The following VPS35L variants were observed in gnomAD, a reference collection of about 807,000 sequenced individuals.
VPS35L encodes VPS35 endosomal protein-sorting factor-like.
VPS35L carries 83 observed loss-of-function variants against 133.0 expected under a neutral mutation model. The ratio of observed to expected loss-of-function variants is 0.62; its 90% CI spans 0.52 to 0.75. VPS35L has a LOEUF of 0.75. Ranked by LOEUF, VPS35L falls within the 30% of genes least tolerant of loss-of-function variation. The pLI, the probability that VPS35L is intolerant of heterozygous loss-of-function variation, is 0.00. For missense variants in VPS35L, 1,083 were observed against 1,206.8 expected (o/e 0.90, Z 1.52); for synonymous variants, 423 against 449.9 (o/e 0.94, Z 0.76).
chr16:19,695,355 T>G (rs930350704), intron 29 of VPS35L, among the ~76,000 whole-genome samples: 1 of 152,224 alleles, frequency 6.6e-6, no homozygotes, highest in Non-Finnish European at 1.5e-5. Flanking sequence ...AATTTGGAGC[T>G]ATTTATATTT....
At chr16:19,678,405 C>T (rs1975136410) in intron 27 of VPS35L, among the ~76,000 whole-genome samples, 1 of 151,694 alleles carries the variant, frequency 6.6e-6, no homozygotes, top group Non-Finnish European at 1.5e-5. Context: ...GAATCCAGAA[C>T]CGTTTTCTTT....
chr16:19,578,211 A>G, intron 5 of VPS35L: 7 of 446,328 alleles, frequency 1.6e-5, no homozygotes, highest in South Asian at 9.6e-5. Flanking sequence ...TGTGACTCTT[A>G]AAACCTAAAA....
At chr16:19,557,046 C>T (rs1386612628) in intron 1 of VPS35L, among the ~76,000 whole-genome samples, 1 of 152,038 alleles carries the variant, frequency 6.6e-6, no homozygotes, top group South Asian at 2.1e-4. Context: ...GCAGGAGAGT[C>T]GCTTGAACCT....
chr16:19,570,662 G>A (rs759285224), intron 3 of VPS35L, among the ~76,000 whole-genome samples: 5 of 151,158 alleles, frequency 3.3e-5, no homozygotes, highest in South Asian at 2.1e-4. Context: ...GCATTTTTCC[G>A]GAGTGCGTTT....
At chr16:19,651,259 A>G (rs1974113705) in intron 25 of VPS35L, among the ~76,000 whole-genome samples, 1 of 151,590 alleles carries the variant, frequency 6.6e-6, no homozygotes, top group Non-Finnish European at 1.5e-5. Flanking sequence ...CTCAAAATTT[A>G]TTTAGCTATT....
chr16:19,610,498 C>G, intron 12 of VPS35L, 83 bp downstream of exon 12: 1 of 1,010,946 alleles, frequency 9.9e-7, no homozygotes, highest in Non-Finnish European at 1.5e-6. Context: ...CCTTCCCCAC[C>G]ACCCCGCAAG....
chr16:19,627,808 A>G lies in VPS35L; in HGVS notation c.1383+3A>G, dbSNP rs1262716460. On this transcript the variant is annotated splice_donor_region_variant and intron_variant, in intron 16 of 30. Transcript: ENST00000417362. The stretch of plus-strand genomic sequence containing the variant: ...GTGATGAATCTGGTTTCCCCAAGGT[A>G]GGCTCTTGACTTCATGCTCAGTAGG... 3.8e-6 allele frequency: 6 copies of G among 1,594,650 alleles called. No homozygotes were observed. The highest frequency in any genetic ancestry group is 1.1e-5 in the South Asian group (1 of 90,658).
At chr16:19,589,447 ATT>A (rs1187419226) in intron 7 of VPS35L, among the ~76,000 whole-genome samples, 1 of 151,886 alleles carries the variant, frequency 6.6e-6, no homozygotes, top group Admixed American at 6.6e-5. Flanking sequence ...GTCTCACTAC[ATT>A]GCCCAAGCTG....
chr16:19,608,698 A>G, intron 10 of VPS35L: 1 of 445,174 alleles, frequency 2.2e-6, no homozygotes, highest in Non-Finnish European at 4.0e-6. Context: ...CTTTCCCCAT[A>G]AAGCATTGAT....
chr16:19,616,258 A>G, intron 13 of VPS35L, 67 bp downstream of exon 13: 4 of 1,439,030 alleles, frequency 2.8e-6, no homozygotes, highest in Non-Finnish European at 3.9e-6. Context: ...CACAAAACCC[A>G]GTTGGTTTTC....
At position 19,569,570 on chromosome 16, in the gene VPS35L, C is replaced by T. The variant is rs761780737; in HGVS notation, c.264C>T (p.Pro88=). Residue 88 remains proline (P), a synonymous_variant, in exon 3 of 31, where the codon CCC becomes CCT. Coordinates refer to ENST00000417362, the MANE Select transcript of VPS35L (RefSeq NM_020314.7). ...CCATGTTTGCAGCCACTGCTGACCC[C>T]GCAGCCTTGGCAGCTGCCATGGTAA... ...PLSMFAATAD[P]AALAAAMDSS... is the part of the protein sequence containing the mutation. The T allele has an allele frequency of 3.9e-5, 61 of 1,562,658 alleles. No homozygotes were observed. Among genetic ancestry groups the T allele is most frequent in the Admixed American group, 5.9e-5 (3 of 50,746 alleles).
At chr16:19,668,665 G>A (rs901599532) in intron 26 of VPS35L, among the ~76,000 whole-genome samples, 1 of 151,846 alleles carries the variant, frequency 6.6e-6, no homozygotes, top group African/African-American at 2.4e-5. Flanking sequence ...CAAAAATGGT[G>A]TGCACTAGAA....
chr16:19,681,404 G>C (rs1975273798), intron 27 of VPS35L, among the ~76,000 whole-genome samples: 1 of 152,208 alleles, frequency 6.6e-6, no homozygotes, highest in Non-Finnish European at 1.5e-5. Context: ...GCCGCTGCGG[G>C]TTCCAATCGT....
chr16:19,670,131 C>A (rs913046075), intron 27 of VPS35L, among the ~76,000 whole-genome samples: 3 of 152,202 alleles, frequency 2.0e-5, no homozygotes, highest in Non-Finnish European at 4.4e-5. Context: ...GTTATGTCCT[C>A]ATGTGACAGA....
intron 9 of VPS35L, among the ~76,000 whole-genome samples, chr16:19,607,202 T>A (rs1972562491): frequency 1.3e-5 from 2 of 152,216 alleles, no homozygotes; most frequent in Admixed American, 1.3e-4. Flanking sequence ...TGGGTACCAG[T>A]TCCAGAAAAC....
chr16:19,598,682 G>C (rs1567411189), intron 8 of VPS35L, among the ~76,000 whole-genome samples: 1 of 152,136 alleles, frequency 6.6e-6, no homozygotes, highest in South Asian at 2.1e-4. Flanking sequence ...TACTCAGGAG[G>C]CAGAGGTGGG....
intron 14 of VPS35L, among the ~76,000 whole-genome samples, chr16:19,623,507 A>C (rs1225286741): frequency 6.6e-6 from 1 of 152,126 alleles, no homozygotes; most frequent in Admixed American, 6.5e-5. Context: ...TAGGGGAGAT[A>C]TAATTCAGTC....
intron 15 of VPS35L, among the ~76,000 whole-genome samples, chr16:19,626,826 G>A (rs140778636): frequency 6.6e-6 from 1 of 152,104 alleles, no homozygotes; most frequent in Non-Finnish European, 1.5e-5. Flanking sequence ...AGGTGGTTGG[G>A]CTAGGATGAA....
At chr16:19,569,093 C>T (rs976173495) in intron 2 of VPS35L, among the ~76,000 whole-genome samples, 6 of 152,192 alleles carry the variant, frequency 3.9e-5, no homozygotes, top group Admixed American at 6.5e-5. Flanking sequence ...ACTGATTAAG[C>T]TTAAGTTCCA....
Sources: allele counts gnomAD v4.1 joint callset (sites outside exome capture counted in the v4.1 genomes callset), GRCh38; gene constraint gnomAD v4.1.1; transcripts MANE v1.5; gene names NCBI Gene and HGNC (gene_info 2026-07-23, HGNC 2026-07-21).